Variants in DENND2A observed in about 807,000 individuals in gnomAD.
DENND2A encodes the protein DENN domain containing 2A.
Under a neutral mutation model 105.3 loss-of-function variants are expected in DENND2A, and 53 were observed. The observed-to-expected ratio is 0.50, with a 90% CI of 0.40 to 0.63. DENND2A has a LOEUF of 0.63. DENND2A is among the 30% of genes least tolerant of loss of function. The pLI is 0.00. For missense variants in DENND2A, 1,138 were observed against 1,279.6 expected (o/e 0.89, Z 1.69); for synonymous variants, 522 against 508.4 (o/e 1.03, Z -0.36).
At chr7:140,546,681 TG>T in intron 13 of DENND2A, 117 bp downstream of exon 13, 1 of 1,298,382 alleles carries the variant, frequency 7.7e-7, no homozygotes, top group Non-Finnish European at 1.1e-6. Flanking sequence ...GCTCTAGGGG[TG>T]GGGAGAAGAC....
Position 140,576,561 on chromosome 7 carries a change from A to G in DENND2A, c.1246-2553T>C, listed in dbSNP as rs904011277. Reference sequence around the variant, plus strand: ...TATCTTAAACTCTCACAGAATAGGCATATTTTGCTCCATTGATTTCTCCAT... The same window carrying G: ...TATCTTAAACTCTCACAGAATAGGCGTATTTTGCTCCATTGATTTCTCCAT... On this transcript the variant is annotated intron_variant, in intron 5 of 19. Transcript: ENST00000496613. Among the ~76,000 whole-genome samples the G allele has an allele frequency of 3.9e-5, 6 of 152,350 alleles. No individual in the cohort carries two copies. The South Asian group carries it at 6.2e-4, about 16-fold the overall frequency.
At chr7:140,608,829 G>A (rs1799785513) in intron 1 of DENND2A, among the ~76,000 whole-genome samples, 1 of 152,116 alleles carries the variant, frequency 6.6e-6, no homozygotes, top group Non-Finnish European at 1.5e-5. Context: ...GTGGTCCATG[G>A]GGGATCAGTT....
intron 17 of DENND2A, 150 bp from the exon 18 acceptor site, chr7:140,522,250 T>C: frequency 1.0e-6 from 1 of 966,918 alleles, no homozygotes; most frequent in Non-Finnish European, 1.5e-6. Context: ...ACCCAGGTTA[T>C]TAAGACATTT....
intron 12 of DENND2A, among the ~76,000 whole-genome samples, chr7:140,550,972 C>T (rs1797108577): frequency 1.3e-5 from 2 of 151,784 alleles, no homozygotes; most frequent in Admixed American, 1.3e-4. Flanking sequence ...AGGGAAAACA[C>T]ACCTGAAAAG....
At chr7:140,633,680 GC>G (rs1037224253) in intron 1 of DENND2A, among the ~76,000 whole-genome samples, 1 of 152,106 alleles carries the variant, frequency 6.6e-6, no homozygotes, top group Admixed American at 6.6e-5. Context: ...CTAGGTTTCA[GC>G]CTACACAACA....
chr7:140,531,801 G>GC (rs926586774), intron 14 of DENND2A, among the ~76,000 whole-genome samples: 16 of 140,192 alleles, frequency 1.1e-4, no homozygotes, highest in African/African-American at 4.2e-4. Flanking sequence ...GGCAACAAAC[G>GC]CGAAACTCTG....
chr7:140,634,707 C>T (rs1800856053), intron 1 of DENND2A, among the ~76,000 whole-genome samples: 1 of 151,990 alleles, frequency 6.6e-6, no homozygotes, highest in Non-Finnish European at 1.5e-5. Context: ...CCCCTCTCTA[C>T]TAAAAAATAC....
At chr7:140,524,530 G>GCA (rs771973166) in intron 16 of DENND2A, among the ~76,000 whole-genome samples, 16 of 151,592 alleles carry the variant, frequency 1.1e-4, no homozygotes, top group Admixed American at 2.6e-4. Flanking sequence ...GTGCGTGCGC[G>GCA]CACACACGCA....
intron 3 of DENND2A, among the ~76,000 whole-genome samples, chr7:140,600,484 C>T (rs975439828): frequency 2.6e-5 from 4 of 152,124 alleles, no homozygotes; most frequent in African/African-American, 9.7e-5. Flanking sequence ...AGAAGCAGGA[C>T]TTCCAGGGAC....
At chr7:140,541,623 T>G (rs180877117) in intron 14 of DENND2A, among the ~76,000 whole-genome samples, 23 of 152,332 alleles carry the variant, frequency 1.5e-4, no homozygotes, top group Admixed American at 1.3e-4. Flanking sequence ...GGGTTATTAC[T>G]CATCCTGGCT....
At chr7:140,561,371 A>G (rs1030133328) in intron 9 of DENND2A, among the ~76,000 whole-genome samples, 2 of 152,194 alleles carry the variant, frequency 1.3e-5, no homozygotes, top group Non-Finnish European at 2.9e-5. Flanking sequence ...GTTAAAGAAA[A>G]ATACATCATG....
chr7:140,554,292 T>C (rs6964971), intron 12 of DENND2A, among the ~76,000 whole-genome samples: 6,769 of 152,080 alleles, frequency 0.045, 508 homozygotes, highest in African/African-American at 0.15. Context: ...GGAACTTCAA[T>C]TCCCCAAAAG....
chr7:140,546,740 A>C (rs1242597069), intron 13 of DENND2A, 59 bp downstream of exon 13: 1 of 1,597,700 alleles, frequency 6.3e-7, no homozygotes, highest in Non-Finnish European at 8.5e-7. Flanking sequence ...CTGAGCACGG[A>C]GACTCGGCTG....
intron 3 of DENND2A, among the ~76,000 whole-genome samples, chr7:140,596,697 G>A (rs1297947180): frequency 6.6e-6 from 1 of 152,180 alleles, no homozygotes; most frequent in Non-Finnish European, 1.5e-5. Flanking sequence ...TGAAATTTTG[G>A]TCATTGCAGT....
intron 17 of DENND2A, 53 bp from the exon 18 acceptor site, chr7:140,522,153 G>A (rs1795884263): frequency 6.3e-7 from 1 of 1,597,580 alleles, no homozygotes; most frequent in Non-Finnish European, 8.5e-7. Flanking sequence ...GGCTGGGCCA[G>A]AGCCCTTGAG....
chr7:140,527,779 C>CT lies in DENND2A; in HGVS notation c.2328-285dup, dbSNP rs536840937. Among the ~76,000 whole-genome samples, 25 of 152,136 alleles carry CT rather than the reference C, an allele frequency of 1.6e-4. 1 individual carries two copies. The highest frequency in any genetic ancestry group is 1.5e-3 in the East Asian group (8 of 5,184). ...ACGCCCTGCACTCTCCCGCCCTGACCTTTTTTTGTGATCTATACTCTTGTA... is the reference window on the plus strand; with the variant it reads ...ACGCCCTGCACTCTCCCGCCCTGACCTTTTTTTTGTGATCTATACTCTTGTA... On this transcript the variant is annotated intron_variant, in intron 14 of 19. Coordinates refer to ENST00000496613, the MANE Select transcript of DENND2A (RefSeq NM_015689.5). This position sits in a 1 kb window ranked among gnomAD's most constrained non-coding sequence, Gnocchi z 4.9.
Position 140,527,396 on chromosome 7 carries a change from G to C in DENND2A, c.2427C>G (p.Ile809Met). ...TGAGGAAGGGCGTCGGCGAGCACACGATGTCGACCATGGCGGGTGGCAGCA... is the reference window on the plus strand; with the variant it reads ...TGAGGAAGGGCGTCGGCGAGCACACCATGTCGACCATGGCGGGTGGCAGCA... ...IPVLPPAMVDIVCSPTPFLIG... is the reference protein window; with the variant it reads ...IPVLPPAMVDMVCSPTPFLIG... Residue 809 changes from isoleucine (I) to methionine (M), a missense_variant, in exon 15 of 20, where the codon ATC becomes ATG. Physicochemically the swap from Ile to Met is conservative, Grantham distance 10. Transcript: ENST00000496613. This position sits in a 1 kb window ranked among gnomAD's most constrained non-coding sequence, Gnocchi z 4.9. 1 of 1,609,722 alleles carries C rather than the reference G, an allele frequency of 6.2e-7. No individual in the cohort carries two copies. Among genetic ancestry groups the C allele is most frequent in the Non-Finnish European group, 8.5e-7 (1 of 1,178,972 alleles).
intron 1 of DENND2A, among the ~76,000 whole-genome samples, chr7:140,612,810 C>T (rs566245922): frequency 3.3e-4 from 50 of 151,720 alleles, no homozygotes; most frequent in African/African-American, 1.1e-3. Flanking sequence ...CCCTGTTACA[C>T]TAAATTTAAA....
chr7:140,533,021 C>G, intron 14 of DENND2A, among the ~76,000 whole-genome samples: 1 of 120,776 alleles, frequency 8.3e-6, no homozygotes, highest in Admixed American at 1.0e-4. Flanking sequence ...GAGACAGTGT[C>G]TCACTCTGTT....
Sources: allele counts gnomAD v4.1 joint callset (sites outside exome capture counted in the v4.1 genomes callset), GRCh38; gene constraint gnomAD v4.1.1; non-coding constraint Gnocchi (gnomAD v3.1); transcripts MANE v1.5; gene names NCBI Gene and HGNC (gene_info 2026-07-23, HGNC 2026-07-21).